SDK1: variants seen among roughly 807,000 people sequenced by gnomAD.
SDK1 encodes protein sidekick-1.
Under a neutral mutation model 245.5 loss-of-function variants are expected in SDK1, and 157 were observed. The observed-to-expected ratio is 0.64, with a 90% CI of 0.56 to 0.73. The LOEUF (loss-of-function observed/expected upper bound fraction) is 0.73, where lower values mean the gene tolerates loss of function less well. Among genes scored for constraint, SDK1 ranks in the 30% least tolerant of loss-of-function variants. The pLI is 0.00. For missense variants in SDK1, 3,583 were observed against 3,002.3 expected (o/e 1.19, Z -4.52); for synonymous variants, 1,647 against 1,278.5 (o/e 1.29, Z -6.15).
At chr7:4,020,663 C>T (rs547085074) in intron 17 of SDK1, among the ~76,000 whole-genome samples, 13 of 152,272 alleles carry the variant, frequency 8.5e-5, no homozygotes, top group South Asian at 2.1e-4. Context: ...GCGCAGTGAG[C>T]GTGACGTTTC....
chr7:3,698,137 G>A (rs1784628573), intron 4 of SDK1, among the ~76,000 whole-genome samples: 1 of 152,102 alleles, frequency 6.6e-6, no homozygotes, highest in African/African-American at 2.4e-5. Flanking sequence ...GACCACAAAG[G>A]AGGCAGCTTA....
At chr7:3,659,068 A>G (rs1048886171) in intron 4 of SDK1, among the ~76,000 whole-genome samples, 1 of 151,966 alleles carries the variant, frequency 6.6e-6, no homozygotes, top group African/African-American at 2.4e-5. Flanking sequence ...TCACTACCTA[A>G]CATGTGACCT....
chr7:3,877,815 T>A (rs9655341), intron 5 of SDK1, among the ~76,000 whole-genome samples: 4,152 of 152,334 alleles, frequency 0.027, 206 homozygotes, highest in African/African-American at 0.095. Flanking sequence ...ATGTCAGCAA[T>A]TAACACCTTC....
At chr7:3,900,859 A>G (rs1289810880) in intron 5 of SDK1, among the ~76,000 whole-genome samples, 2 of 152,148 alleles carry the variant, frequency 1.3e-5, no homozygotes, top group East Asian at 1.9e-4. Context: ...TAACCACCAT[A>G]AAATCATTGC....
chr7:3,426,661 A>G (rs1346488613), intron 1 of SDK1, among the ~76,000 whole-genome samples: 2 of 152,222 alleles, frequency 1.3e-5, no homozygotes, highest in East Asian at 1.9e-4. Flanking sequence ...CCTTTGGTCA[A>G]TTCTGCATTT....
At chr7:4,250,856 A>G (rs1158983832) in intron 44 of SDK1, among the ~76,000 whole-genome samples, 1 of 152,042 alleles carries the variant, frequency 6.6e-6, no homozygotes, top group Admixed American at 6.6e-5. Context: ...GGTTTTTAGT[A>G]TTTTCAGTTT....
chr7:3,472,878 G>A (rs566849188), intron 1 of SDK1, among the ~76,000 whole-genome samples: 1 of 152,206 alleles, frequency 6.6e-6, no homozygotes, highest in African/African-American at 2.4e-5. Context: ...TAACAGTCAG[G>A]GGCTTCTGAG....
At chr7:3,956,204 CCCTCTTGCCCT>C (rs1269236072) in intron 7 of SDK1, among the ~76,000 whole-genome samples, 1 of 152,188 alleles carries the variant, frequency 6.6e-6, no homozygotes, top group East Asian at 1.9e-4. Context: ...CATGCCCTCG[CCCTCTTGCCCT>C]CTGAAGAGTA....
intron 5 of SDK1, among the ~76,000 whole-genome samples, chr7:3,936,527 A>G (rs992672847): frequency 9.2e-5 from 14 of 151,758 alleles, no homozygotes; most frequent in East Asian, 1.9e-4. Flanking sequence ...GGAGGTTGCA[A>G]TGACCCTAGA....
chr7:3,945,722 A>G (rs1414739867), intron 5 of SDK1, among the ~76,000 whole-genome samples: 1 of 151,740 alleles, frequency 6.6e-6, no homozygotes, highest in Non-Finnish European at 1.5e-5. Context: ...ACATGGTGAA[A>G]CCCTGTCTCT....
At chr7:3,381,923 A>G (rs111691990) in intron 1 of SDK1, among the ~76,000 whole-genome samples, 11 of 152,240 alleles carry the variant, frequency 7.2e-5, no homozygotes, top group East Asian at 5.8e-4. Flanking sequence ...AATGATACCT[A>G]CTAGTACTAC....
chr7:3,352,672 T>C (rs1025780536), intron 1 of SDK1, among the ~76,000 whole-genome samples: 1 of 152,196 alleles, frequency 6.6e-6, no homozygotes, highest in African/African-American at 2.4e-5. Context: ...TTTGGGGTTT[T>C]ACCATTCCTT....
intron 44 of SDK1, 61 bp from the exon 45 acceptor site, chr7:4,265,063 C>T (rs1370184696): frequency 2.7e-6 from 4 of 1,499,096 alleles, no homozygotes; most frequent in South Asian, 2.9e-5. Context: ...GCCTCCTGCC[C>T]AGCACGCTCC....
chr7:4,017,862 C>A (rs1450634742), intron 17 of SDK1, among the ~76,000 whole-genome samples: 1 of 152,180 alleles, frequency 6.6e-6, no homozygotes, highest in Non-Finnish European at 1.5e-5. Flanking sequence ...AAAAACTGCC[C>A]CCGACCCCTG....
chr7:4,126,176 T>G (rs1784381253), intron 25 of SDK1, among the ~76,000 whole-genome samples: 1 of 152,228 alleles, frequency 6.6e-6, no homozygotes, highest in Admixed American at 6.5e-5. Flanking sequence ...ATGCTGTTTA[T>G]AAACAGGGCC....
intron 41 of SDK1, among the ~76,000 whole-genome samples, chr7:4,235,461 G>C: frequency 6.6e-6 from 1 of 152,174 alleles, no homozygotes. Context: ...ACGGCGCCCA[G>C]CTGACCACTT....
intron 28 of SDK1, among the ~76,000 whole-genome samples, chr7:4,134,221 A>G (rs1031496593): frequency 6.6e-6 from 1 of 152,168 alleles, no homozygotes; most frequent in African/African-American, 2.4e-5. Flanking sequence ...TGATTTCTGG[A>G]GTTGCTAGAC....
intron 17 of SDK1, among the ~76,000 whole-genome samples, chr7:4,036,749 T>C (rs979323338): frequency 6.6e-6 from 1 of 152,172 alleles, no homozygotes; most frequent in African/African-American, 2.4e-5. Context: ...TTCTGTCATA[T>C]GAGATTACAG....
chr7:3,597,897 C>T (rs908035275), intron 1 of SDK1, among the ~76,000 whole-genome samples: 2 of 151,986 alleles, frequency 1.3e-5, no homozygotes, highest in Admixed American at 6.6e-5. Context: ...GTACTTTGAC[C>T]GTTTATAAAA....
Sources: allele counts gnomAD v4.1 joint callset (sites outside exome capture counted in the v4.1 genomes callset), GRCh38; gene constraint gnomAD v4.1.1; transcripts MANE v1.5; gene names NCBI Gene and HGNC (gene_info 2026-07-23, HGNC 2026-07-21).